TGS1: variants seen among roughly 807,000 people sequenced by gnomAD.
TGS1 encodes trimethylguanosine synthase.
In TGS1, 69 loss-of-function variants were observed where a neutral mutation model predicts 92.2. The ratio of observed to expected loss-of-function variants is 0.75; its 90% confidence interval spans 0.62 to 0.91. The LOEUF is 0.91. TGS1 is among the 40% of genes least tolerant of loss of function. The pLI, the probability that TGS1 is intolerant of heterozygous loss-of-function variation, is 0.00. For missense variants in TGS1, 1,062 were observed against 1,001.2 expected, an observed-to-expected ratio of 1.06 and a Z score of -0.82; for synonymous variants, 345 against 338.1, an observed-to-expected ratio of 1.02 and a Z score of -0.22.
At position 55,786,339 on chromosome 8, in the gene TGS1, A is replaced by G. The variant is rs749584966; in HGVS notation, c.441A>G (p.Glu147=). 5 of 1,609,442 alleles carry G rather than the reference A, an allele frequency of 3.1e-6. No homozygotes were observed. Among genetic ancestry groups the G allele is most frequent in the Non-Finnish European group, 3.4e-6 (4 of 1,178,280 alleles). The part of the protein sequence containing the change: ...IVQESWRKEY[E]EDDILASDDP... Reference sequence around the variant, plus strand: ...AAGAATCTTGGAGAAAAGAATATGAAGAAGACGACATTTTGGCTTCAGATG... The same window carrying G: ...AAGAATCTTGGAGAAAAGAATATGAGGAAGACGACATTTTGGCTTCAGATG... The change falls in exon 4 of 13, where the codon GAA becomes GAG. Residue 147 remains glutamate (E), a synonymous_variant. Transcript: ENST00000260129.
chr8:55,814,989 C>G (rs1803438705), intron 12 of TGS1, among the ~76,000 whole-genome samples: 5 of 151,974 alleles, frequency 3.3e-5, no homozygotes. Flanking sequence ...CCTAACAATT[C>G]CATAATTTCT....
chr8:55,800,093 G>C (rs560671934), intron 8 of TGS1, among the ~76,000 whole-genome samples: 1 of 151,960 alleles, frequency 6.6e-6, no homozygotes, highest in Admixed American at 6.6e-5. Context: ...TATTTATTGT[G>C]ATCCTTCATC....
intron 1 of TGS1, among the ~76,000 whole-genome samples, chr8:55,780,160 CTTTT>C (rs56871302): frequency 7.6e-6 from 1 of 130,956 alleles, no homozygotes; most frequent in Non-Finnish European, 1.6e-5. Flanking sequence ...TCTGGCATGG[CTTTT>C]TTTTTTTTTT....
At chr8:55,802,360 T>A (rs1423523912) in intron 8 of TGS1, 97 bp from the exon 9 acceptor site, 1 of 1,007,922 alleles carries the variant, frequency 9.9e-7, no homozygotes, top group Admixed American at 2.0e-5. Flanking sequence ...CATGTTCTGC[T>A]TGTAATTATT....
At chr8:55,795,939 G>T in intron 6 of TGS1, 39 bp from the exon 7 acceptor site, 1 of 1,495,708 alleles carries the variant, frequency 6.7e-7, no homozygotes, top group South Asian at 1.2e-5. Flanking sequence ...TATAATCCTA[G>T]AATTTAAGTT....
At chr8:55,802,427 A>G in intron 8 of TGS1, 30 bp from the exon 9 acceptor site, 1 of 1,581,846 alleles carries the variant, frequency 6.3e-7, no homozygotes, top group Non-Finnish European at 8.6e-7. Context: ...TTTCTTAGTG[A>G]GCATCTATAT....
chr8:55,816,167 T>A (rs1451787029), intron 12 of TGS1, among the ~76,000 whole-genome samples: 1 of 152,144 alleles, frequency 6.6e-6, no homozygotes, highest in African/African-American at 2.4e-5. Flanking sequence ...TGCTTTCCTT[T>A]CTTTCTTTCC....
intron 6 of TGS1, among the ~76,000 whole-genome samples, chr8:55,794,292 G>A (rs1156667242): frequency 6.6e-6 from 1 of 152,132 alleles, no homozygotes; most frequent in Non-Finnish European, 1.5e-5. Context: ...TTGGCCTCAA[G>A]TGATCCTCCC....
In TGS1 at chr8:55,782,728, C is replaced by G. The variant is rs146724845; in HGVS notation, c.102-20C>G. On this transcript the variant is annotated intron_variant, in intron 1 of 12. Coordinates refer to ENST00000260129, the MANE Select transcript of TGS1 (RefSeq NM_024831.8). ...ATGGCTTAATTCATTTCAATATGAA[C>G]TGCTTAATCTGCTTCGCAGGGATCG... The G allele has an allele frequency of 5.3e-5, 83 of 1,576,830 alleles. 1 individual carries two copies. In the East Asian group the frequency reaches 1.3e-3, roughly 24 times the overall value.
chr8:55,789,990 C>T, intron 4 of TGS1, 192 bp from the exon 5 acceptor site: 2 of 508,416 alleles, frequency 3.9e-6, no homozygotes, highest in Admixed American at 3.4e-5. Context: ...TTTAACAAAC[C>T]TTATAGTTAA....
intron 1 of TGS1, among the ~76,000 whole-genome samples, chr8:55,780,561 G>A (rs908661625): frequency 2.6e-5 from 4 of 152,092 alleles, no homozygotes; most frequent in Non-Finnish European, 4.4e-5. Flanking sequence ...AGTTCCCTTT[G>A]TATTAATCAG....
chr8:55,812,944 T>G, intron 11 of TGS1, 96 bp from the exon 12 acceptor site: 1 of 947,178 alleles, frequency 1.1e-6, no homozygotes, highest in Non-Finnish European at 1.6e-6. Flanking sequence ...TTTAGTTACA[T>G]TTTGAAATAC....
At chr8:55,816,831 G>C (rs1250230257) in intron 12 of TGS1, among the ~76,000 whole-genome samples, 1 of 151,758 alleles carries the variant, frequency 6.6e-6, no homozygotes, top group East Asian at 1.9e-4. Flanking sequence ...ATTGATGTTA[G>C]ATTTAATAAT....
At chr8:55,792,449 A>G (rs1157854371) in intron 5 of TGS1, among the ~76,000 whole-genome samples, 1 of 152,210 alleles carries the variant, frequency 6.6e-6, no homozygotes, top group African/African-American at 2.4e-5. Context: ...CTAGGAATAG[A>G]AATCATTACT....
chr8:55,813,988 C>G (rs1803404443), intron 12 of TGS1, among the ~76,000 whole-genome samples: 1 of 152,130 alleles, frequency 6.6e-6, no homozygotes, highest in African/African-American at 2.4e-5. Flanking sequence ...CGCTCTATCA[C>G]CCAGGCTGGA....
rs756419314 is a variant in TGS1, at chr8:55,786,807, T to C, written c.909T>C (p.Asp303=). ...TTCCATCTTCACCTATTATGGTTGA[T>C]AATGATAGCTCTGGTACAAGTGATA... ...VSFPSSPIMV[D]NDSSGTSDKD... Residue 303 remains aspartate, a synonymous_variant, in exon 4 of 13, where the codon GAT becomes GAC. Coordinates refer to ENST00000260129, the MANE Select transcript of TGS1 (RefSeq NM_024831.8). 1.2e-6 allele frequency: 2 copies of C among 1,614,070 alleles called. No homozygotes were observed. Among genetic ancestry groups the C allele is most frequent in the Non-Finnish European group, 1.7e-6 (2 of 1,180,032 alleles).
At chr8:55,799,447 A>G (rs192272369) in intron 8 of TGS1, among the ~76,000 whole-genome samples, 1 of 152,320 alleles carries the variant, frequency 6.6e-6, no homozygotes, top group African/African-American at 2.4e-5. Flanking sequence ...GTAGAAAAGG[A>G]AAGACTGTTG....
intron 1 of TGS1, among the ~76,000 whole-genome samples, chr8:55,777,294 T>C (rs569369799): frequency 1.3e-5 from 2 of 150,734 alleles, no homozygotes; most frequent in Non-Finnish European, 3.0e-5. Flanking sequence ...CAGGTGTTTT[T>C]TTTTTTTTTT....
At chr8:55,817,250 T>G (rs1408399374) in intron 12 of TGS1, among the ~76,000 whole-genome samples, 2 of 152,204 alleles carry the variant, frequency 1.3e-5, no homozygotes, top group African/African-American at 4.8e-5. Context: ...GAAATGTTCC[T>G]CATTGTAACA....
Sources: gnomAD v4.1 joint callset for allele counts (sites outside exome capture counted in the v4.1 genomes callset) on GRCh38, gnomAD v4.1.1 for gene constraint, MANE v1.5 for transcripts, NCBI Gene and HGNC (gene_info 2026-07-23, HGNC 2026-07-21) for gene names.